Variants in TRIM71 observed in about 807,000 individuals in gnomAD.
TRIM71 encodes the protein tripartite motif containing 71.
A neutral mutation model predicts 61.2 loss-of-function variants in TRIM71; 9 were observed. The observed-to-expected ratio is 0.15, with a 90% confidence interval of 0.09 to 0.26. TRIM71 has a LOEUF of 0.26. TRIM71 is among the 10% of genes least tolerant of loss of function. TRIM71 has a pLI of 1.00. For synonymous variants in TRIM71, 645 were observed against 553.2 expected, an observed-to-expected ratio of 1.17 and a Z score of -2.33; for missense variants, 998 against 1,238.7, an observed-to-expected ratio of 0.81 and a Z score of 2.92.
intron 2 of TRIM71, 125 bp downstream of exon 2, chr3:32,874,110 G>A: frequency 2.0e-6 from 2 of 989,954 alleles, no homozygotes; most frequent in South Asian, 1.7e-5. Context: ...AATGAGCTCA[G>A]GTGACATCCC....
rs965228624 is a variant in TRIM71, at chr3:32,893,771, T to C, written c.*1960T>C. 1 of 152,060 alleles carries C rather than the reference T, an allele frequency of 6.6e-6. No homozygotes were observed. Among genetic ancestry groups the C allele is most frequent in the Non-Finnish European group, 1.5e-5 (1 of 68,008 alleles). 9.4% of individuals were successfully genotyped at this position (152,060 alleles called of 1,614,324 possible). On this transcript the variant is annotated 3_prime_UTR_variant, in exon 4 of 4. Coordinates refer to ENST00000383763, the MANE Select transcript of TRIM71 (RefSeq NM_001039111.3). ...AAGTTGCTTTTCCCGTACACCTCTT[T>C]TGGACGTTTAATTTACTACTACTAC...
At chr3:32,843,962 C>T (rs1696441172) in intron 1 of TRIM71, among the ~76,000 whole-genome samples, 1 of 148,310 alleles carries the variant, frequency 6.7e-6, no homozygotes, top group Non-Finnish European at 1.5e-5. Flanking sequence ...GCACTTTTTT[C>T]TGGTTAGAGT....
chr3:32,875,234 G>A (rs1696841972), intron 2 of TRIM71, among the ~76,000 whole-genome samples: 2 of 152,246 alleles, frequency 1.3e-5, no homozygotes, highest in Admixed American at 1.3e-4. Context: ...CCTGGATGGT[G>A]AATCCCCTGT....
At chr3:32,872,347 TTC>T (rs1472019367) in intron 1 of TRIM71, among the ~76,000 whole-genome samples, 1 of 152,138 alleles carries the variant, frequency 6.6e-6, no homozygotes, top group Admixed American at 6.5e-5. Context: ...GTGGAGTAAC[TTC>T]TGTGTGCTTG....
chr3:32,868,281 A>G (rs1559547021), intron 1 of TRIM71, among the ~76,000 whole-genome samples: 1 of 152,232 alleles, frequency 6.6e-6, no homozygotes, highest in South Asian at 2.1e-4. Context: ...CGACCTGACT[A>G]AAAAGAATTC....
rs143919686 is a variant in TRIM71, at chr3:32,834,546, G to C, written c.852+15614G>C. ...TCGGGGGAGTTTTACTTCTAGTATA[G>C]CCAGTTTTAAAGTTGGAAAACGAAC... On this transcript the variant is annotated intron_variant, in intron 1 of 3. Coordinates refer to ENST00000383763, the MANE Select transcript of TRIM71 (RefSeq NM_001039111.3). Among the ~76,000 whole-genome samples the C allele has an allele frequency of 2.6e-5, 4 of 152,236 alleles. No homozygotes were observed. The East Asian group carries it at 7.7e-4, about 29-fold the overall frequency.
rs1458878824 is a variant in TRIM71, at chr3:32,885,945, G to A, written c.1032G>A (p.Glu344=). The change falls in exon 3 of 4, where the codon GAG becomes GAA. Residue 344 remains glutamate, a synonymous_variant. Transcript: ENST00000383763. ...QGRQAIQLSI[E]QAQTVAEQVE... is the part of the protein sequence containing the mutation. Reference sequence around the variant, plus strand: ...TTTTGGTTTTCCAGCTGAGCATCGAGCAGGCCCAGACGGTGGCGGAACAGG... The same window carrying A: ...TTTTGGTTTTCCAGCTGAGCATCGAACAGGCCCAGACGGTGGCGGAACAGG... The A allele has an allele frequency of 6.2e-7, 1 of 1,612,748 alleles. No homozygotes were observed. The highest frequency in any genetic ancestry group is 2.2e-5 in the East Asian group (1 of 44,854).
chr3:32,846,018 AGCTTGT>A (rs1696469928), intron 1 of TRIM71, among the ~76,000 whole-genome samples: 1 of 149,696 alleles, frequency 6.7e-6, no homozygotes, highest in South Asian at 2.1e-4. Flanking sequence ...ATGGCTCACT[AGCTTGT>A]GCATTTATTT....
intron 2 of TRIM71, among the ~76,000 whole-genome samples, chr3:32,876,805 A>G (rs1468329380): frequency 6.6e-6 from 1 of 152,212 alleles, no homozygotes; most frequent in Non-Finnish European, 1.5e-5. Context: ...GAGAGCACCA[A>G]CAAATCATGA....
At chr3:32,860,956 C>T (rs1421315538) in intron 1 of TRIM71, among the ~76,000 whole-genome samples, 2 of 151,954 alleles carry the variant, frequency 1.3e-5, no homozygotes, top group African/African-American at 2.4e-5. Context: ...AGGCAGATCG[C>T]TTGAGTGCAG....
chr3:32,891,778 G>A lies in TRIM71; in HGVS notation c.2574G>A (p.Val858=), dbSNP rs1330808081. 1.2e-6 allele frequency: 2 copies of A among 1,614,034 alleles called. No homozygotes were observed. Among genetic ancestry groups the A allele is most frequent in the East Asian group, 2.2e-5 (1 of 44,880 alleles). ...AITPDGMIVV[V]DFGNNRILVF ...CCCCCGACGGAATGATCGTTGTGGT[G>A]GACTTTGGCAACAATCGAATCCTCG... is the stretch of plus-strand genomic sequence containing the variant. The change falls in exon 4 of 4, where the codon GTG becomes GTA. Residue 858 remains valine, a synonymous_variant. Transcript: ENST00000383763. The surrounding 1 kb of genome is among the most constrained non-coding windows in gnomAD (Gnocchi z 8.2).
chr3:32,818,092 C>A lies in TRIM71; in HGVS notation c.12C>A (p.Phe4Leu). ...GGGCTGGGTTGCAAATGGCTTCGTT[C>A]CCCGAGACCGATTTCCAGATCTGCT... MAS[F>L]PETDFQICLL... Residue 4 changes from phenylalanine (F) to leucine (L), a missense_variant, in exon 1 of 4, where the codon TTC becomes TTA. By Grantham distance (22) the Phe-to-Leu change is conservative. Coordinates refer to ENST00000383763, the MANE Select transcript of TRIM71 (RefSeq NM_001039111.3). The A allele has an allele frequency of 6.2e-7, 1 of 1,610,378 alleles. No individual in the cohort carries two copies. Among genetic ancestry groups the A allele is most frequent in the Non-Finnish European group, 8.5e-7 (1 of 1,178,040 alleles).
chr3:32,834,704 C>T (rs1286448397), intron 1 of TRIM71, among the ~76,000 whole-genome samples: 2 of 152,012 alleles, frequency 1.3e-5, no homozygotes, highest in Admixed American at 6.6e-5. Flanking sequence ...TAGCTAGGTG[C>T]GGTGGCGGGC....
chr3:32,884,973 C>A (rs1248139265), intron 2 of TRIM71, among the ~76,000 whole-genome samples: 5 of 152,104 alleles, frequency 3.3e-5, no homozygotes, highest in Non-Finnish European at 5.9e-5. Flanking sequence ...CTAAACTAAC[C>A]CAGGATTGGA....
In TRIM71 at chr3:32,826,582, C is replaced by CTTTTTTTTTTTTTTTTTTTTTTT. The variant is rs71068090; in HGVS notation, c.852+7672_852+7673insTTTTTTTTTTTTTTTTTTTTTTT. 2.4e-5 allele frequency among the ~76,000 whole-genome samples: 2 copies of CTTTTTTTTTTTTTTTTTTTTTTT among 83,098 alleles called. 1 individual carries two copies. The highest frequency in any genetic ancestry group is 4.1e-5 in the Non-Finnish European group (2 of 48,554). The allele number at this position is 83,098 out of a possible 152,430, so 54.5% of individuals were successfully genotyped here. A position where few individuals can be genotyped will look rare whatever the true frequency, so the allele number is the denominator to read the frequency against. ...AACTTTAATTCCCATCAGGTGAGTT[C>CTTTTTTTTTTTTTTTTTTTTTTT]TTTTTTTTTTTTTTTTTTTTTTGAG... On this transcript the variant is annotated intron_variant, in intron 1 of 3. Transcript: ENST00000383763.
chr3:32,855,804 G>T (rs1323986286), intron 1 of TRIM71, among the ~76,000 whole-genome samples: 2 of 152,058 alleles, frequency 1.3e-5, no homozygotes, highest in Non-Finnish European at 2.9e-5. Context: ...GGTACACAGG[G>T]CTAATGAGCT....
At chr3:32,873,023 T>C (rs1696811995) in intron 1 of TRIM71, among the ~76,000 whole-genome samples, 2 of 151,508 alleles carry the variant, frequency 1.3e-5, no homozygotes, top group African/African-American at 4.9e-5. Context: ...GAGCTCCTTG[T>C]TTATTAGCAG....
intron 1 of TRIM71, among the ~76,000 whole-genome samples, chr3:32,850,474 A>G (rs1696525336): frequency 6.6e-6 from 1 of 152,298 alleles, no homozygotes; most frequent in Non-Finnish European, 1.5e-5. Flanking sequence ...AAATAGGCCC[A>G]AAATACTCCG....
intron 1 of TRIM71, among the ~76,000 whole-genome samples, chr3:32,844,230 C>T (rs1024289739): frequency 2.0e-5 from 3 of 152,148 alleles, no homozygotes; most frequent in African/African-American, 7.2e-5. Context: ...CTCAAATTTG[C>T]ATCTTTAACA....
Sources: allele counts gnomAD v4.1 joint callset (sites outside exome capture counted in the v4.1 genomes callset), GRCh38; gene constraint gnomAD v4.1.1; non-coding constraint Gnocchi (gnomAD v3.1); transcripts MANE v1.5; gene names NCBI Gene and HGNC (gene_info 2026-07-23, HGNC 2026-07-21).